The following KIAA0319 variants were observed in gnomAD, a reference collection of about 807,000 sequenced individuals.
The protein encoded by KIAA0319 is KIAA0319, also known as dyslexia-associated protein KIAA0319.
Under a neutral mutation model 108.4 loss-of-function variants are expected in KIAA0319, and 83 were observed. The observed-to-expected ratio is 0.77, with a 90% confidence interval of 0.64 to 0.92. The LOEUF is 0.92. Among genes scored for constraint, KIAA0319 ranks in the 40% least tolerant of loss-of-function variants. The pLI is 0.00. For synonymous variants in KIAA0319, 484 were observed against 510.4 expected, an observed-to-expected ratio of 0.95 and a Z score of 0.70; for missense variants, 1,195 against 1,322.4, an observed-to-expected ratio of 0.90 and a Z score of 1.49.
rs1440759347 is a variant in KIAA0319 at position 24,611,264 on chromosome 6, C to T, written c.-105-10056G>A. Among the ~76,000 whole-genome samples, 3 of 151,514 alleles carry T rather than the reference C, an allele frequency of 2.0e-5. 1 individual carries two copies. In the South Asian group the frequency reaches 6.3e-4, roughly 32 times the overall value. Reference sequence around the variant, plus strand: ...CCCAGCACCCAGCACTTTGGGAGGCCAAGGTGGGCAGATCACCTGAGGTCA... The same window carrying T: ...CCCAGCACCCAGCACTTTGGGAGGCTAAGGTGGGCAGATCACCTGAGGTCA... On this transcript the variant is annotated intron_variant, in intron 1 of 20. Transcript: ENST00000378214.
intron 1 of KIAA0319, among the ~76,000 whole-genome samples, chr6:24,614,189 C>G (rs765423848): frequency 6.6e-6 from 1 of 152,168 alleles, no homozygotes; most frequent in Non-Finnish European, 1.5e-5. Flanking sequence ...AAGGAGCCAG[C>G]CTTAGCAATT....
rs541993554 is a variant in KIAA0319 at position 24,547,209 on chromosome 6, T to A, written c.3175A>T (p.Ile1059Phe). 1 of 1,614,210 alleles carries A rather than the reference T, an allele frequency of 6.2e-7. No homozygotes were observed. The highest frequency in any genetic ancestry group is 8.5e-7 in the Non-Finnish European group (1 of 1,180,022). The change falls in exon 21 of 21, where the codon ATC (isoleucine) becomes TTC (phenylalanine). Residue 1059 changes from isoleucine (I) to phenylalanine (F), a missense_variant. Ile to Phe is a conservative substitution (Grantham distance 21). Transcript: ENST00000378214. ...GNPKVSMNGSIRNGASFSYCS... is the reference protein window; with the variant it reads ...GNPKVSMNGSFRNGASFSYCS... ...TAACTGAAGGAAGCTCCATTTCTGA[T>A]GGAACCATTCATGGAAACCTTTGGA...
rs377694750 is a variant in KIAA0319 at position 24,629,242 on chromosome 6, G to A, written c.-106+16494C>T. On this transcript the variant is annotated intron_variant, in intron 1 of 20. Coordinates refer to ENST00000378214, the MANE Select transcript of KIAA0319 (RefSeq NM_014809.4). ...ATGATGGAATCAATGACAGTCCAGC[G>A]TGGTGGCTCACGCCTGTAACCCCAG... 3.3e-4 allele frequency among the ~76,000 whole-genome samples: 50 copies of A among 152,154 alleles called. 1 individual carries two copies. The highest frequency in any genetic ancestry group is 2.2e-4 in the Non-Finnish European group (15 of 67,994).
chr6:24,579,464 CAT>C (rs963609619), intron 8 of KIAA0319, among the ~76,000 whole-genome samples: 171 of 138,804 alleles, frequency 1.2e-3, no homozygotes, highest in Middle Eastern at 3.7e-3. Context: ...TTATATATCT[CAT>C]ATATATATCT....
intron 1 of KIAA0319, among the ~76,000 whole-genome samples, chr6:24,638,553 G>A (rs191889618): frequency 3.5e-4 from 54 of 152,282 alleles, no homozygotes; most frequent in Middle Eastern, 3.4e-3. Context: ...AAGGTCAGGA[G>A]ATCGAGACCA....
chr6:24,600,992 AC>A, intron 2 of KIAA0319, 56 bp downstream of exon 2: 1 of 1,606,312 alleles, frequency 6.2e-7, no homozygotes, highest in Non-Finnish European at 8.5e-7. Flanking sequence ...TGAGTTGCTT[AC>A]ACTAGTCAAG....
intron 11 of KIAA0319, among the ~76,000 whole-genome samples, 168 bp from the exon 12 acceptor site, chr6:24,570,203 C>A (rs807521): frequency 0.093 from 14,109 of 152,220 alleles, 667 homozygotes; most frequent in African/African-American, 0.11. Flanking sequence ...CTAGCTGATC[C>A]AGGAGTTGAA....
Position 24,546,306 on chromosome 6 carries a change from C to G in KIAA0319, c.*859G>C, listed in dbSNP as rs916221978. On this transcript the variant is annotated 3_prime_UTR_variant, in exon 21 of 21. Transcript: ENST00000378214. ...CCCTATCTATGGCAGTCCAAACGCA[C>G]AGCCTACAGAACATAATAAATGCTT... 6.6e-6 allele frequency: 1 copy of G among 152,098 alleles called. No individual in the cohort carries two copies. Among genetic ancestry groups the G allele is most frequent in the East Asian group, 1.9e-4 (1 of 5,196 alleles). The allele number at this position is 152,098 out of a possible 1,614,324, so 9.4% of individuals were successfully genotyped here.
rs1766413446 is a variant in KIAA0319 at position 24,580,907 on chromosome 6, T to C, written c.1279+19A>G. ...GATAAATATGTACAACAGGAGGTCA[T>C]TCTCTTACACCGGCTTACCAGGCTT... On this transcript the variant is annotated intron_variant, in intron 7 of 20. Coordinates refer to ENST00000378214, the MANE Select transcript of KIAA0319 (RefSeq NM_014809.4). The C allele has an allele frequency of 1.3e-6, 2 of 1,555,692 alleles. No homozygotes were observed.
intron 5 of KIAA0319, chr6:24,583,021 C>T: frequency 1.0e-6 from 1 of 959,022 alleles, no homozygotes; most frequent in Non-Finnish European, 1.2e-6. Context: ...AGGAACTAAC[C>T]TGAATGAGAA....
intron 1 of KIAA0319, among the ~76,000 whole-genome samples, chr6:24,603,507 A>G (rs1209539491): frequency 2.6e-5 from 4 of 152,218 alleles, no homozygotes; most frequent in Non-Finnish European, 5.9e-5. Flanking sequence ...GTTCCAGTTC[A>G]CACCAGTCTC....
At chr6:24,614,922 G>A (rs1772930043) in intron 1 of KIAA0319, among the ~76,000 whole-genome samples, 1 of 152,094 alleles carries the variant, frequency 6.6e-6, no homozygotes, top group Non-Finnish European at 1.5e-5. Context: ...CCCATTGTAA[G>A]CCACAGGGCA....
chr6:24,557,358 C>T (rs1386378449), intron 17 of KIAA0319, among the ~76,000 whole-genome samples: 4 of 152,062 alleles, frequency 2.6e-5, no homozygotes, highest in Non-Finnish European at 5.9e-5. Context: ...AATAAATTAG[C>T]TGGGCGTGAT....
rs113351705 is a variant in KIAA0319 at position 24,576,324 on chromosome 6, A to T, written c.1734+44T>A. The stretch of plus-strand genomic sequence containing the variant: ...CAATAGCACATAGCTAGGTAGACAG[A>T]CAGACAGACAGACAAAAGTCTGAAG... On this transcript the variant is annotated intron_variant, in intron 10 of 20. Coordinates refer to ENST00000378214, the MANE Select transcript of KIAA0319 (RefSeq NM_014809.4). 1.2e-3 allele frequency: 1,763 copies of T among 1,501,062 alleles called. 10 individuals are homozygous for T. Among genetic ancestry groups the T allele is most frequent in the African/African-American group, 7.9e-3 (571 of 72,522 alleles). 93.0% of individuals were successfully genotyped at this position (1,501,062 alleles called of 1,614,324 possible). A position where few individuals can be genotyped will look rare whatever the true frequency, so the allele number is the denominator to read the frequency against.
At chr6:24,610,088 G>T (rs1432134048) in intron 1 of KIAA0319, among the ~76,000 whole-genome samples, 1 of 152,012 alleles carries the variant, frequency 6.6e-6, no homozygotes, top group Non-Finnish European at 1.5e-5. Flanking sequence ...AGATAAAATA[G>T]ACATCACCAA....
Position 24,568,846 on chromosome 6 carries a change from C to A in KIAA0319, c.2075G>T (p.Arg692Leu). 1 of 1,614,136 alleles carries A rather than the reference C, an allele frequency of 6.2e-7. No individual in the cohort carries two copies. The highest frequency in any genetic ancestry group is 1.7e-5 in the Admixed American group (1 of 60,018). Reference sequence around the variant, plus strand: ...TCCCTGCTGGTCTTTCACTGTCAAACGGAAGTGGTAGGTCCCCACCTGGAG... The same window carrying A: ...TCCCTGCTGGTCTTTCACTGTCAAAAGGAAGTGGTAGGTCCCCACCTGGAG... ...TGLQVGTYHF[R>L]LTVKDQQGLS... The change falls in exon 13 of 21, where the codon CGT (arginine) becomes CTT (leucine). Residue 692 changes from arginine to leucine, a missense_variant. Transcript: ENST00000378214.
At chr6:24,587,007 G>A (rs913724581) in intron 4 of KIAA0319, among the ~76,000 whole-genome samples, 4 of 151,732 alleles carry the variant, frequency 2.6e-5, no homozygotes, top group Non-Finnish European at 5.9e-5. Flanking sequence ...TATGTCCCCC[G>A]TGTCTGCAAC....
At position 24,596,221 on chromosome 6, in the gene KIAA0319, C is replaced by T. The variant is rs990442655; in HGVS notation, c.453G>A (p.Glu151=). 1.9e-6 allele frequency: 3 copies of T among 1,614,080 alleles called. No homozygotes were observed. Among genetic ancestry groups the T allele is most frequent in the South Asian group, 1.1e-5 (1 of 91,088 alleles). Residue 151 remains glutamate, a synonymous_variant, in exon 3 of 21, where the codon GAG becomes GAA. Transcript: ENST00000378214. ...LTFLGKDWGL[E]EMSEYSDDYR... ...AGTCATCTGAGTACTCAGACATCTC[C>T]TCTAGGCCCCAATCTTTGCCTAGAA...
At chr6:24,644,566 T>C (rs1370903204) in intron 1 of KIAA0319, among the ~76,000 whole-genome samples, 1 of 151,888 alleles carries the variant, frequency 6.6e-6, no homozygotes, top group East Asian at 1.9e-4. Context: ...AGTGAGGACT[T>C]ACTGTATTTA....
Sources: gnomAD v4.1 joint callset for allele counts (sites outside exome capture counted in the v4.1 genomes callset) on GRCh38, gnomAD v4.1.1 for gene constraint, MANE v1.5 for transcripts, NCBI Gene and HGNC (gene_info 2026-07-23, HGNC 2026-07-21) for gene names.